The following STXBP5L variants were observed in gnomAD, a reference collection of about 807,000 sequenced individuals.
The protein encoded by STXBP5L is syntaxin binding protein 5L.
In STXBP5L, 65 loss-of-function variants were observed where a neutral mutation model predicts 144.5. The observed-to-expected ratio is 0.45, with a 90% CI of 0.37 to 0.55. STXBP5L has a LOEUF of 0.55. STXBP5L is among the 20% of genes least tolerant of loss of function. The pLI, the probability that STXBP5L is intolerant of heterozygous loss-of-function variation, is 0.00. For missense variants in STXBP5L, 1,298 were observed against 1,405.5 expected (o/e 0.92, Z 1.22); for synonymous variants, 505 against 469.6 (o/e 1.08, Z -0.97).
Position 121,074,395 on chromosome 3 carries a change from G to A in STXBP5L, c.470+28860G>A, listed in dbSNP as rs73855318. On this transcript the variant is annotated intron_variant, in intron 5 of 26. Coordinates refer to ENST00000471454, the MANE Select transcript of STXBP5L (RefSeq NM_001308330.2). ...TAATCTCTGGAGGGCTTTAACACCG[G>A]TACCAATGGAGTGTTCCAAGACAAG... Among the ~76,000 whole-genome samples, 1,194 of 152,186 alleles carry A rather than the reference G, an allele frequency of 7.8e-3. 13 individuals carry two copies. The highest frequency in any genetic ancestry group is 0.028 in the African/African-American group (1,152 of 41,520).
chr3:121,369,464 A>C (rs2045963862), intron 20 of STXBP5L, among the ~76,000 whole-genome samples: 1 of 151,636 alleles, frequency 6.6e-6, no homozygotes, highest in Admixed American at 6.6e-5. Context: ...AATTCTAAAG[A>C]TGATTATTTT....
chr3:121,093,139 A>T (rs948318312), intron 5 of STXBP5L, among the ~76,000 whole-genome samples: 1 of 152,200 alleles, frequency 6.6e-6, no homozygotes, highest in East Asian at 1.9e-4. Context: ...ATCATGGTGG[A>T]GAAGCTTTTT....
At chr3:121,214,229 T>C (rs1228665294) in intron 10 of STXBP5L, among the ~76,000 whole-genome samples, 1 of 152,174 alleles carries the variant, frequency 6.6e-6, no homozygotes, top group African/African-American at 2.4e-5. Flanking sequence ...GTGATCTTAG[T>C]TATTTCTTGT....
At chr3:120,962,714 G>A (rs953102501) in intron 3 of STXBP5L, among the ~76,000 whole-genome samples, 1 of 152,160 alleles carries the variant, frequency 6.6e-6, no homozygotes, top group Admixed American at 6.5e-5. Flanking sequence ...GTAGCATGAT[G>A]GCTCCAGCTT....
At chr3:121,382,072 A>G (rs1366281047) in intron 22 of STXBP5L, among the ~76,000 whole-genome samples, 1 of 152,022 alleles carries the variant, frequency 6.6e-6, no homozygotes, top group South Asian at 2.1e-4. Context: ...GTTGCCAAGC[A>G]TATGTTGTAT....
At chr3:120,996,584 CTT>C (rs1943366631) in intron 3 of STXBP5L, among the ~76,000 whole-genome samples, 1 of 152,120 alleles carries the variant, frequency 6.6e-6, no homozygotes, top group South Asian at 2.1e-4. Flanking sequence ...ATAACTGAAA[CTT>C]TGTACACTTT....
At chr3:121,307,370 C>G (rs1298871222) in intron 19 of STXBP5L, among the ~76,000 whole-genome samples, 1 of 151,980 alleles carries the variant, frequency 6.6e-6, no homozygotes, top group Non-Finnish European at 1.5e-5. Context: ...CTCAAAACAA[C>G]CATTATAAAT....
At chr3:121,041,279 A>G (rs1408854628) in intron 3 of STXBP5L, among the ~76,000 whole-genome samples, 1 of 151,992 alleles carries the variant, frequency 6.6e-6, no homozygotes, top group African/African-American at 2.4e-5. Flanking sequence ...TGCTTAGAAG[A>G]TTTTTTATAT....
At chr3:120,911,525 AAG>A (rs1708841364) in intron 2 of STXBP5L, among the ~76,000 whole-genome samples, 1 of 152,098 alleles carries the variant, frequency 6.6e-6, no homozygotes, top group Admixed American at 6.5e-5. Context: ...CTCCTTAACT[AAG>A]AGACGGTTAT....
chr3:120,973,700 C>T (rs1553758488), intron 3 of STXBP5L, among the ~76,000 whole-genome samples: 1 of 151,782 alleles, frequency 6.6e-6, no homozygotes, highest in East Asian at 1.9e-4. Context: ...CCCATCCCCC[C>T]ACCCCACAAC....
chr3:120,974,553 C>A (rs1940703626), intron 3 of STXBP5L, among the ~76,000 whole-genome samples: 2 of 152,022 alleles, frequency 1.3e-5, no homozygotes, highest in African/African-American at 4.8e-5. Context: ...TTAATTAGAT[C>A]CCATTTGTCA....
intron 19 of STXBP5L, among the ~76,000 whole-genome samples, chr3:121,307,506 G>T (rs1156256164): frequency 6.6e-6 from 1 of 152,122 alleles, no homozygotes; most frequent in Non-Finnish European, 1.5e-5. Context: ...GGAAATTCTG[G>T]AGTTGAAAGG....
chr3:121,276,045 G>GTT (rs1274124947), intron 18 of STXBP5L, among the ~76,000 whole-genome samples: 1 of 148,074 alleles, frequency 6.8e-6, no homozygotes, highest in African/African-American at 2.5e-5. Flanking sequence ...TTTCTAATTT[G>GTT]TTTTTCTCTT....
At chr3:121,158,972 C>G (rs1480422398) in intron 9 of STXBP5L, 1 of 152,040 alleles carries the variant, frequency 6.6e-6, no homozygotes, top group African/African-American at 2.4e-5. Flanking sequence ...TTCAACACAT[C>G]AGCCTTGATG....
At chr3:121,372,725 C>T (rs1336943360) in intron 20 of STXBP5L, among the ~76,000 whole-genome samples, 3 of 151,978 alleles carry the variant, frequency 2.0e-5, no homozygotes, top group African/African-American at 7.3e-5. Flanking sequence ...GTGTGCCAGT[C>T]TCCCCAGTAT....
intron 9 of STXBP5L, among the ~76,000 whole-genome samples, chr3:121,175,085 T>C (rs1054896288): frequency 1.3e-5 from 2 of 152,166 alleles, no homozygotes; most frequent in Non-Finnish European, 2.9e-5. Flanking sequence ...GAGAACACTG[T>C]ATCTACTGTC....
chr3:121,009,069 A>C (rs1944574205), intron 3 of STXBP5L, among the ~76,000 whole-genome samples: 1 of 151,898 alleles, frequency 6.6e-6, no homozygotes, highest in African/African-American at 2.4e-5. Context: ...GGATTTCATA[A>C]CATTGGTTCC....
At chr3:121,086,474 A>C (rs2042499656) in intron 5 of STXBP5L, among the ~76,000 whole-genome samples, 1 of 151,270 alleles carries the variant, frequency 6.6e-6, no homozygotes, top group African/African-American at 2.4e-5. Flanking sequence ...TTAAATATTT[A>C]GATACACAAA....
chr3:120,963,900 C>T (rs1020011614), intron 3 of STXBP5L, among the ~76,000 whole-genome samples: 3 of 152,104 alleles, frequency 2.0e-5, no homozygotes, highest in Non-Finnish European at 4.4e-5. Flanking sequence ...TCCGTCTGGT[C>T]CTGGATTGTT....
Sources: allele counts gnomAD v4.1 joint callset (sites outside exome capture counted in the v4.1 genomes callset), GRCh38; gene constraint gnomAD v4.1.1; transcripts MANE v1.5; gene names NCBI Gene and HGNC (gene_info 2026-07-23, HGNC 2026-07-21).